The following ARL8B variants were observed in gnomAD, a reference collection of about 807,000 sequenced individuals.
ARL8B encodes the protein ADP-ribosylation factor-like protein 8B.
ARL8B carries 9 observed loss-of-function variants against 30.6 expected under a neutral mutation model. The observed-to-expected ratio is 0.29, with a 90% confidence interval of 0.18 to 0.51. The LOEUF is 0.51. ARL8B is among the 20% of genes least tolerant of loss of function. ARL8B has a pLI of 0.97. For missense variants in ARL8B, 130 were observed against 227.2 expected (o/e 0.57, Z 2.75); for synonymous variants, 74 against 76.0 (o/e 0.97, Z 0.14).
At chr3:5,124,293 G>A (rs1227174807) in intron 1 of ARL8B, among the ~76,000 whole-genome samples, 2 of 112,900 alleles carry the variant, frequency 1.8e-5, no homozygotes, top group African/African-American at 3.4e-5. Flanking sequence ...TTCTGGTAGA[G>A]ACAAGATCTT....
rs79131846 is a variant in ARL8B, at chr3:5,130,194, A to T, written c.123+7606A>T. Among the ~76,000 whole-genome samples, 64 of 147,644 alleles carry T rather than the reference A, an allele frequency of 4.3e-4. No homozygotes were observed. In the Middle Eastern group the frequency reaches 0.014, roughly 33 times the overall value. Reference sequence around the variant, plus strand: ...CATATTCTCTTAAAAAAAAATATATATTTTTTTTTTGTAGAGACTTCATCT... The same window carrying T: ...CATATTCTCTTAAAAAAAAATATATTTTTTTTTTTTGTAGAGACTTCATCT... On this transcript the variant is annotated intron_variant, in intron 1 of 6. Transcript: ENST00000256496.
At chr3:5,131,865 T>C (rs1301091825) in intron 1 of ARL8B, among the ~76,000 whole-genome samples, 3 of 152,160 alleles carry the variant, frequency 2.0e-5, no homozygotes, top group African/African-American at 7.2e-5. Flanking sequence ...TGACTAGTTT[T>C]ATCCTTTGAA....
At chr3:5,171,405 G>A (rs1448075119) in intron 2 of ARL8B, among the ~76,000 whole-genome samples, 1 of 152,090 alleles carries the variant, frequency 6.6e-6, no homozygotes, top group Non-Finnish European at 1.5e-5. Flanking sequence ...GGCTTGGAGT[G>A]CAATGGTGTG....
At chr3:5,154,337 C>CTTT (rs34406290) in intron 1 of ARL8B, among the ~76,000 whole-genome samples, 1 of 142,734 alleles carries the variant, frequency 7.0e-6, no homozygotes, top group African/African-American at 2.6e-5. Context: ...GGTAAAATAA[C>CTTT]TTTTTTTTTT....
chr3:5,152,738 G>T (rs2054495583), intron 1 of ARL8B, among the ~76,000 whole-genome samples: 1 of 152,164 alleles, frequency 6.6e-6, no homozygotes, highest in Admixed American at 6.5e-5. Flanking sequence ...CTCCTTCCTA[G>T]GCCTCTGAAA....
At chr3:5,130,693 G>A (rs1205176143) in intron 1 of ARL8B, among the ~76,000 whole-genome samples, 1 of 151,800 alleles carries the variant, frequency 6.6e-6, no homozygotes, top group African/African-American at 2.4e-5. Context: ...GCGCCACTAC[G>A]CCTGGCTATT....
At chr3:5,128,461 C>A (rs937910669) in intron 1 of ARL8B, 1 of 454,260 alleles carries the variant, frequency 2.2e-6, no homozygotes, top group Admixed American at 2.4e-5. Flanking sequence ...TCCTTGCAGA[C>A]CAAGAATCTT....
intron 1 of ARL8B, among the ~76,000 whole-genome samples, chr3:5,144,078 C>T (rs565651149): frequency 3.3e-5 from 5 of 152,336 alleles, no homozygotes; most frequent in Non-Finnish European, 7.3e-5. Context: ...ATAATCCCAT[C>T]TAATTTGTAA....
chr3:5,170,439 T>C (rs1575574395), intron 1 of ARL8B, 64 bp from the exon 2 acceptor site: 3 of 1,079,166 alleles, frequency 2.8e-6, no homozygotes, highest in Non-Finnish European at 2.7e-6. Context: ...AATGTTGATA[T>C]TAGAAGTTTA....
At chr3:5,142,198 G>T (rs955543345) in intron 1 of ARL8B, among the ~76,000 whole-genome samples, 3 of 152,116 alleles carry the variant, frequency 2.0e-5, no homozygotes, top group Non-Finnish European at 4.4e-5. Context: ...ACGTTAGCCT[G>T]GGGTATATGG....
At chr3:5,137,379 G>A (rs2054336475) in intron 1 of ARL8B, among the ~76,000 whole-genome samples, 3 of 151,396 alleles carry the variant, frequency 2.0e-5, no homozygotes, top group Non-Finnish European at 4.4e-5. Flanking sequence ...GGTAATGAAA[G>A]TTCCTGAGTT....
chr3:5,150,334 A>T (rs1028248722), intron 1 of ARL8B, among the ~76,000 whole-genome samples: 2 of 151,868 alleles, frequency 1.3e-5, no homozygotes, highest in African/African-American at 4.8e-5. Flanking sequence ...GTGGTGGCAC[A>T]CGCCTGTAAT....
At chr3:5,161,299 C>CAA (rs111784438) in intron 1 of ARL8B, among the ~76,000 whole-genome samples, 2 of 151,460 alleles carry the variant, frequency 1.3e-5, no homozygotes, top group African/African-American at 4.9e-5. Context: ...TCAGCAACAT[C>CAA]AAAAAAAGAC....
rs113220979 is a variant in ARL8B, at chr3:5,171,107, A to G, written c.204+524A>G. 9.2e-3 allele frequency among the ~76,000 whole-genome samples: 1,405 copies of G among 152,178 alleles called. 20 individuals are homozygous for G. Among genetic ancestry groups the G allele is most frequent in the African/African-American group, 0.032 (1,311 of 41,534 alleles). On this transcript the variant is annotated intron_variant, in intron 2 of 6. Transcript: ENST00000256496. ...TGAGCCTTAATGTCCATTTTGCCCAATTATTGTGGTTTACAGAAGCTGTTC... is the reference window on the plus strand; with the variant it reads ...TGAGCCTTAATGTCCATTTTGCCCAGTTATTGTGGTTTACAGAAGCTGTTC...
At chr3:5,174,713 G>A (rs13085129) in intron 6 of ARL8B, among the ~76,000 whole-genome samples, 3 of 61,130 alleles carry the variant, frequency 4.9e-5, no homozygotes, top group Admixed American at 1.4e-4. Flanking sequence ...TATGTAATAT[G>A]TATTATATAT....
intron 1 of ARL8B, among the ~76,000 whole-genome samples, chr3:5,147,546 T>C (rs1409426243): frequency 6.6e-6 from 1 of 152,170 alleles, no homozygotes; most frequent in Non-Finnish European, 1.5e-5. Flanking sequence ...CCCTTCTTTC[T>C]CTATGTCAGA....
intron 1 of ARL8B, among the ~76,000 whole-genome samples, chr3:5,132,494 C>T (rs1175827819): frequency 2.0e-5 from 3 of 152,188 alleles, no homozygotes; most frequent in Non-Finnish European, 4.4e-5. Flanking sequence ...CTGCTTCGGC[C>T]TCCCAAAGTG....
chr3:5,136,524 C>G (rs1467857282), intron 1 of ARL8B, among the ~76,000 whole-genome samples: 1 of 152,186 alleles, frequency 6.6e-6, no homozygotes, highest in Non-Finnish European at 1.5e-5. Flanking sequence ...TATAGTGTTC[C>G]ATGTGCATTT....
At chr3:5,145,589 G>C (rs1024879040) in intron 1 of ARL8B, among the ~76,000 whole-genome samples, 9 of 152,212 alleles carry the variant, frequency 5.9e-5, no homozygotes, top group Admixed American at 5.9e-4. Flanking sequence ...GTTACAAACA[G>C]ATGGAATGGT....
Sources: gnomAD v4.1 joint callset for allele counts (sites outside exome capture counted in the v4.1 genomes callset) on GRCh38, gnomAD v4.1.1 for gene constraint, MANE v1.5 for transcripts, NCBI Gene and HGNC (gene_info 2026-07-23, HGNC 2026-07-21) for gene names.